Variants in PCDH15 observed in about 807,000 individuals in gnomAD.
The protein encoded by PCDH15 is protocadherin-15.
PCDH15 carries 129 observed loss-of-function variants against 178.5 expected under a neutral mutation model. The observed-to-expected ratio is 0.72, with a 90% CI of 0.63 to 0.84. PCDH15 has a LOEUF of 0.84. Ranked by LOEUF, PCDH15 falls within the 40% of genes least tolerant of loss-of-function variation. The pLI, the probability that PCDH15 is intolerant of heterozygous loss-of-function variation, is 0.00. For missense variants in PCDH15, 2,230 were observed against 2,099.9 expected, an observed-to-expected ratio of 1.06 and a Z score of -1.21; for synonymous variants, 800 against 732.0, an observed-to-expected ratio of 1.09 and a Z score of -1.50.
intron 3 of PCDH15, among the ~76,000 whole-genome samples, chr10:54,815,278 T>C (rs961840841): frequency 6.6e-6 from 1 of 152,148 alleles, no homozygotes; most frequent in Non-Finnish European, 1.5e-5. Flanking sequence ...TATTATTTAC[T>C]ACCATGAAAT....
chr10:54,878,948 G>A (rs1954206481), intron 3 of PCDH15, among the ~76,000 whole-genome samples: 1 of 152,044 alleles, frequency 6.6e-6, no homozygotes, highest in Non-Finnish European at 1.5e-5. Context: ...TATTTATAAT[G>A]CTTCGCCGAA....
chr10:53,898,476 T>C (rs890426449), intron 26 of PCDH15, among the ~76,000 whole-genome samples: 1 of 152,214 alleles, frequency 6.6e-6, no homozygotes. Context: ...TTAAAATGAC[T>C]GATTACTTGT....
intron 2 of PCDH15, among the ~76,000 whole-genome samples, chr10:54,533,395 G>C (rs1404177248): frequency 6.6e-6 from 1 of 152,042 alleles, no homozygotes; most frequent in Admixed American, 6.6e-5. Flanking sequence ...AAGTAAGAAA[G>C]GTGTAGATAA....
At chr10:54,984,676 A>C (rs1421983879) in intron 2 of PCDH15, among the ~76,000 whole-genome samples, 1 of 151,910 alleles carries the variant, frequency 6.6e-6, no homozygotes, top group Non-Finnish European at 1.5e-5. Flanking sequence ...CTGTCTCTAC[A>C]AAAAAAATTT....
chr10:53,892,079 C>T (rs913891623), intron 26 of PCDH15, among the ~76,000 whole-genome samples: 70 of 137,588 alleles, frequency 5.1e-4, no homozygotes, highest in African/African-American at 1.9e-3. Flanking sequence ...GGCCGGAGTG[C>T]CGTGGTGGCA....
intron 13 of PCDH15, among the ~76,000 whole-genome samples, chr10:54,169,211 C>G (rs983126613): frequency 3.4e-5 from 4 of 117,512 alleles, no homozygotes; most frequent in Non-Finnish European, 7.2e-5. Flanking sequence ...ATCTTCTCGG[C>G]TTAGCGGCTG....
At chr10:54,621,164 T>G (rs952766638) in intron 2 of PCDH15, among the ~76,000 whole-genome samples, 8 of 151,966 alleles carry the variant, frequency 5.3e-5, no homozygotes, top group African/African-American at 1.9e-4. Context: ...TTGTTGTAAT[T>G]ATTTGCTTAA....
rs186212600 is a variant in PCDH15 at position 55,080,464 on chromosome 10, T to C, written c.-80+86112A>G. Reference sequence around the variant, plus strand: ...AGAAACAAGTACCTGGTTCCAAAAATGTTGGGTACCACTGCACTGGAGTAC... The same window carrying C: ...AGAAACAAGTACCTGGTTCCAAAAACGTTGGGTACCACTGCACTGGAGTAC... On this transcript the variant is annotated intron_variant, in intron 2 of 5. Coordinates refer to the PCDH15 transcript ENST00000458638. 1.8e-3 allele frequency among the ~76,000 whole-genome samples: 275 copies of C among 152,196 alleles called. 2 individuals carry two copies. The highest frequency in any genetic ancestry group is 5.9e-3 in the African/African-American group (246 of 41,540).
At chr10:55,336,719 G>C (rs1281562924) in intron 2 of PCDH15, among the ~76,000 whole-genome samples, 4 of 151,998 alleles carry the variant, frequency 2.6e-5, no homozygotes, top group African/African-American at 9.7e-5. Flanking sequence ...ATTACTATTA[G>C]ATCAGACCCT....
intron 3 of PCDH15, among the ~76,000 whole-genome samples, chr10:54,427,907 T>C (rs540981864): frequency 1.2e-4 from 18 of 152,298 alleles, no homozygotes; most frequent in Admixed American, 4.6e-4. Context: ...GTAGTATGAG[T>C]AGCTACAATT....
chr10:55,388,194 A>T (rs1214380368), intron 2 of PCDH15, among the ~76,000 whole-genome samples: 1 of 152,032 alleles, frequency 6.6e-6, no homozygotes, highest in African/African-American at 2.4e-5. Flanking sequence ...CACAAATATC[A>T]GTCTCTCCCG....
intron 1 of PCDH15, among the ~76,000 whole-genome samples, chr10:54,770,401 T>A (rs562970336): frequency 5.3e-5 from 8 of 152,076 alleles, no homozygotes; most frequent in Non-Finnish European, 8.8e-5. Context: ...AACATTGAAG[T>A]TTTCCTCCCA....
intron 2 of PCDH15, among the ~76,000 whole-genome samples, chr10:55,602,996 T>A (rs1179585895): frequency 2.0e-5 from 3 of 151,694 alleles, no homozygotes; most frequent in Non-Finnish European, 2.9e-5. Flanking sequence ...TTGAAAAAAA[T>A]TTAGAAGAAT....
chr10:54,658,055 G>GT (rs1460200495), intron 2 of PCDH15, among the ~76,000 whole-genome samples: 5 of 152,138 alleles, frequency 3.3e-5, no homozygotes, highest in East Asian at 3.9e-4. Context: ...CAGAAGCCTG[G>GT]TTTTTTTGAA....
At position 53,810,590 on chromosome 10, in the gene PCDH15, A is replaced by G. The variant is rs1320696785; in HGVS notation, c.4637T>C (p.Val1546Ala). The G allele has an allele frequency of 2.2e-5, 35 of 1,613,680 alleles. No homozygotes were observed. Among genetic ancestry groups the G allele is most frequent in the Non-Finnish European group, 2.9e-5 (34 of 1,179,820 alleles). ...CTCATATTCTTCCTCAGCTTCACCA[A>G]CCACCTCACCATATTCCTCCTGTCC... ...PAGQEEYGEV[V>A]GEAEEEYEEE... Residue 1546 changes from valine to alanine, a missense_variant, in exon 37 of 38, where the codon GTT becomes GCT. Val to Ala is a moderately conservative substitution (Grantham distance 64). Transcript: ENST00000644397.
intron 4 of PCDH15, among the ~76,000 whole-genome samples, chr10:54,375,578 A>C (rs954919556): frequency 3.9e-5 from 6 of 151,900 alleles, no homozygotes; most frequent in Non-Finnish European, 8.8e-5. Flanking sequence ...TTAAAATCAG[A>C]ATATTCTTAG....
At chr10:54,496,033 G>T (rs1171016255) in intron 3 of PCDH15, among the ~76,000 whole-genome samples, 2 of 152,108 alleles carry the variant, frequency 1.3e-5, no homozygotes, top group Non-Finnish European at 2.9e-5. Context: ...TCAGGTTATT[G>T]TTTCTCACAG....
At chr10:54,101,241 C>T (rs2094806449) in intron 15 of PCDH15, among the ~76,000 whole-genome samples, 1 of 152,198 alleles carries the variant, frequency 6.6e-6, no homozygotes, top group African/African-American at 2.4e-5. Flanking sequence ...ATTGTGAAGC[C>T]TCCCCAGCTA....
In PCDH15 at chr10:54,500,151, T is replaced by G. The variant is rs1325083768; in HGVS notation, c.157+27661A>C. 2.1e-5 allele frequency among the ~76,000 whole-genome samples: 3 copies of G among 144,522 alleles called. No individual in the cohort carries two copies. The East Asian group carries it at 7.0e-4, about 34-fold the overall frequency. The allele number at this position is 144,522 out of a possible 152,430, so 94.8% of individuals were successfully genotyped here. ...CAAAACAACATTCTTTGCAACAACA[T>G]TAAAGCAGTTGGAGGTCATTATATT... On this transcript the variant is annotated intron_variant, in intron 3 of 37. Coordinates refer to ENST00000644397, the MANE Select transcript of PCDH15 (RefSeq NM_001384140.1).
Sources: allele counts gnomAD v4.1 joint callset (sites outside exome capture counted in the v4.1 genomes callset), GRCh38; gene constraint gnomAD v4.1.1; transcripts MANE v1.5; gene names NCBI Gene and HGNC (gene_info 2026-07-23, HGNC 2026-07-21).